RNF130: variants seen among roughly 807,000 people sequenced by gnomAD.
RNF130 encodes ring finger protein 130, also known as E3 ubiquitin-protein ligase RNF130.
In RNF130, 21 loss-of-function variants were observed where a neutral mutation model predicts 44.6. That is an observed-to-expected ratio of 0.47 (90% confidence interval 0.33 to 0.68). RNF130 has a LOEUF of 0.68. Ranked by LOEUF, RNF130 falls within the 30% of genes least tolerant of loss-of-function variation. RNF130 has a pLI of 0.02. For synonymous variants in RNF130, 214 were observed against 210.4 expected (o/e 1.02, Z -0.15); for missense variants, 479 against 560.6 (o/e 0.85, Z 1.47).
At chr5:180,041,847 C>G (rs976302994) in intron 1 of RNF130, among the ~76,000 whole-genome samples, 1 of 152,120 alleles carries the variant, frequency 6.6e-6, no homozygotes, top group Non-Finnish European at 1.5e-5. Context: ...GAAGCCGAGG[C>G]AGGTAGATTG....
At chr5:179,985,404 T>C (rs1762931308) in intron 3 of RNF130, among the ~76,000 whole-genome samples, 2 of 152,134 alleles carry the variant, frequency 1.3e-5, no homozygotes, top group Non-Finnish European at 1.5e-5. Flanking sequence ...CATAGCATAC[T>C]GTGCATACTA....
rs117139494 is a variant in RNF130, at chr5:180,071,075, G to C, written c.247+381C>G. Among the ~76,000 whole-genome samples the C allele has an allele frequency of 2.0e-3, 304 of 152,054 alleles. 3 individuals are homozygous for C. In the East Asian group the frequency reaches 0.044, roughly 22 times the overall value. ...AGATCTAGCGCAGCCTTAAGTCCGT[G>C]ATTTGAGGAACCTGCCGCTTCCAAA... On this transcript the variant is annotated intron_variant, in intron 1 of 8. Transcript: ENST00000521389.
chr5:179,986,714 T>C (rs1240264896), intron 3 of RNF130, among the ~76,000 whole-genome samples: 1 of 152,210 alleles, frequency 6.6e-6, no homozygotes, highest in Non-Finnish European at 1.5e-5. Context: ...ATGTATTTGT[T>C]TTAATAATTT....
chr5:180,048,431 T>C (rs1250096546), intron 1 of RNF130, among the ~76,000 whole-genome samples: 2 of 152,122 alleles, frequency 1.3e-5, no homozygotes, highest in East Asian at 3.9e-4. Context: ...TTGACTCACA[T>C]AGGAAGAACC....
At chr5:179,914,183 A>G (rs1177477421) in exon 8 of RNF130, 1 of 152,248 alleles carries the variant, frequency 6.6e-6, no homozygotes, top group Non-Finnish European at 1.5e-5. Flanking sequence ...ACAAAACTCC[A>G]CGCCCCTCAT....
At chr5:180,032,752 G>A (rs751579726) in intron 2 of RNF130, among the ~76,000 whole-genome samples, 4 of 152,120 alleles carry the variant, frequency 2.6e-5, no homozygotes, top group Non-Finnish European at 4.4e-5. Context: ...AACGGAGTGT[G>A]TAAGTCCTCT....
chr5:179,948,961 AT>A (rs554440602), intron 7 of RNF130, among the ~76,000 whole-genome samples: 1,938 of 128,590 alleles, frequency 0.015, 14 homozygotes, highest in African/African-American at 0.029. Flanking sequence ...CCTTGGAATA[AT>A]TTTTTTTTTT....
In RNF130 at chr5:180,071,561, G is replaced by T; in HGVS notation, c.142C>A (p.Arg48Ser). 7.0e-7 allele frequency: 1 copy of T among 1,438,804 alleles called. No homozygotes were observed. The allele number at this position is 1,438,804 out of a possible 1,614,324, so 89.1% of individuals were successfully genotyped here. The change falls in exon 1 of 9, where the codon CGC becomes AGC. Residue 48 changes from arginine to serine, a missense_variant. Physicochemically the swap from Arg to Ser is moderately radical, Grantham distance 110 (BLOSUM62 -1). This residue lies in a region of RNF130 where 138 missense variants were observed against 126.9 expected (regional missense o/e 1.09). Coordinates refer to ENST00000521389, the MANE Select transcript of RNF130 (RefSeq NM_018434.6). ...LINVTVQEPG[R>S]GAPLTFRIDR... ...ATGCGAAACGTGAGCGGGGCGCCGC[G>T]GCCGGGCTCCTGCACCGTCACGTTG... is the stretch of plus-strand genomic sequence containing the variant.
At chr5:180,067,022 C>G (rs1004458383) in intron 1 of RNF130, among the ~76,000 whole-genome samples, 3 of 152,134 alleles carry the variant, frequency 2.0e-5, no homozygotes, top group Non-Finnish European at 4.4e-5. Flanking sequence ...GAGCAAGACC[C>G]TGTCCTTAAA....
downstream of RNF130, among the ~76,000 whole-genome samples, chr5:179,952,991 C>A (rs1318029807): frequency 6.6e-6 from 1 of 151,536 alleles, no homozygotes; most frequent in Non-Finnish European, 1.5e-5. Context: ...GAGGTTCTAG[C>A]CAGAACAATT....
At chr5:180,049,853 G>T in intron 1 of RNF130, among the ~76,000 whole-genome samples, 2 of 151,580 alleles carry the variant, frequency 1.3e-5, no homozygotes, top group African/African-American at 4.9e-5. Flanking sequence ...TATATTGACC[G>T]AATTTCATTT....
At chr5:180,056,118 A>C (rs1582226258) in intron 1 of RNF130, among the ~76,000 whole-genome samples, 1 of 152,002 alleles carries the variant, frequency 6.6e-6, no homozygotes, top group East Asian at 1.9e-4. Context: ...AAAAACAAAC[A>C]AACCATCACC....
chr5:180,066,820 G>A (rs1329292187), intron 1 of RNF130, among the ~76,000 whole-genome samples: 2 of 151,868 alleles, frequency 1.3e-5, no homozygotes, highest in Non-Finnish European at 2.9e-5. Context: ...CAACAAGAGC[G>A]AAACTCTGTC....
In RNF130 at chr5:180,043,302, G is replaced by C. The variant is rs534439722; in HGVS notation, c.248-2655C>G. On this transcript the variant is annotated intron_variant, in intron 1 of 8. Transcript: ENST00000521389. ...ATCATGTCGCTGCACTCCAGCCTGG[G>C]TGACAGAGCAAGACTCTATCTCTAA... Among the ~76,000 whole-genome samples, 12 of 152,292 alleles carry C rather than the reference G, an allele frequency of 7.9e-5. No individual in the cohort carries two copies. In the South Asian group the frequency reaches 2.5e-3, roughly 32 times the overall value.
chr5:180,024,432 AC>A (rs1267540682), intron 2 of RNF130, among the ~76,000 whole-genome samples: 1 of 152,178 alleles, frequency 6.6e-6, no homozygotes, highest in Non-Finnish European at 1.5e-5. Context: ...TAAATGTAAA[AC>A]AGTTCTAAAA....
At chr5:179,928,216 G>A (rs1399349980) in intron 7 of RNF130, among the ~76,000 whole-genome samples, 1 of 152,184 alleles carries the variant, frequency 6.6e-6, no homozygotes, top group East Asian at 1.9e-4. Flanking sequence ...GCCTGGGAGT[G>A]GGATTGCTGG....
At chr5:179,923,526 G>T (rs577608372) in intron 7 of RNF130, among the ~76,000 whole-genome samples, 32 of 152,288 alleles carry the variant, frequency 2.1e-4, no homozygotes, top group African/African-American at 7.7e-4. Context: ...GACTGTAACC[G>T]ATTCTTGTAC....
At chr5:179,940,705 C>A (rs763514988) in intron 7 of RNF130, among the ~76,000 whole-genome samples, 11 of 151,520 alleles carry the variant, frequency 7.3e-5, no homozygotes, top group Non-Finnish European at 1.0e-4. Flanking sequence ...TTTCACTCTG[C>A]TTGGTGTTCC....
chr5:179,922,285 A>G (rs1261759124), intron 7 of RNF130, among the ~76,000 whole-genome samples: 1 of 152,044 alleles, frequency 6.6e-6, no homozygotes, highest in Admixed American at 6.6e-5. Flanking sequence ...TTAGTCCATT[A>G]AAAAAACTGG....
Sources: allele counts gnomAD v4.1 joint callset (sites outside exome capture counted in the v4.1 genomes callset), GRCh38; gene constraint gnomAD v4.1.1; regional missense constraint gnomAD v4.1.1; transcripts MANE v1.5; gene names NCBI Gene and HGNC (gene_info 2026-07-23, HGNC 2026-07-21).